Variants in TFDP2 observed in about 807,000 individuals in gnomAD.
TFDP2 encodes the protein transcription factor Dp-2.
A neutral mutation model predicts 59.3 loss-of-function variants in TFDP2; 17 were observed. That is an observed-to-expected ratio of 0.29 (90% CI 0.20 to 0.43). The LOEUF is 0.43. TFDP2 is among the 20% of genes least tolerant of loss of function. The pLI, the probability that TFDP2 is intolerant of heterozygous loss-of-function variation, is 1.00. For missense variants in TFDP2, 391 were observed against 528.8 expected (o/e 0.74, Z 2.56); for synonymous variants, 180 against 194.7 (o/e 0.92, Z 0.63).
At chr3:142,089,568 A>G (rs2060932420) in intron 3 of TFDP2, among the ~76,000 whole-genome samples, 1 of 152,144 alleles carries the variant, frequency 6.6e-6, no homozygotes, top group Non-Finnish European at 1.5e-5. Context: ...CTTAATAAAT[A>G]AAAAGAAACA....
At chr3:141,995,495 G>GCAA (rs1286239962) in intron 4 of TFDP2, among the ~76,000 whole-genome samples, 1 of 152,278 alleles carries the variant, frequency 6.6e-6, no homozygotes, top group East Asian at 1.9e-4. Context: ...TAGAACCAGG[G>GCAA]CAACAGCAAA....
chr3:142,103,388 C>T (rs564230879), intron 1 of TFDP2, among the ~76,000 whole-genome samples: 5 of 151,916 alleles, frequency 3.3e-5, no homozygotes, highest in African/African-American at 9.6e-5. Flanking sequence ...GATCTACAGA[C>T]TGGATAATAG....
chr3:142,149,203 C>G lies in TFDP2; in HGVS notation c.-113G>C, dbSNP rs140242223. 5.0e-6 allele frequency: 2 copies of G among 397,820 alleles called. No homozygotes were observed. The highest frequency in any genetic ancestry group is 8.9e-6 in the Non-Finnish European group (2 of 225,488). 24.6% of individuals were successfully genotyped at this position (397,820 alleles called of 1,614,324 possible). A position where few individuals can be genotyped will look rare whatever the true frequency, so the allele number is the denominator to read the frequency against. On this transcript the variant is annotated 5_prime_UTR_variant, in exon 1 of 13. Transcript: ENST00000489671. ...CTTACCGCCTTCGGCTGCAGAAGAA[C>G]TGGCGGCCAAGCGAGGCTGTCGGGC...
At chr3:142,040,898 T>C (rs762900930) in intron 3 of TFDP2, among the ~76,000 whole-genome samples, 1 of 151,836 alleles carries the variant, frequency 6.6e-6, no homozygotes, top group Non-Finnish European at 1.5e-5. Flanking sequence ...AGCAAGACCT[T>C]TTAAAAAAAA....
At chr3:142,007,018 G>A (rs988960021) in intron 3 of TFDP2, among the ~76,000 whole-genome samples, 1 of 151,810 alleles carries the variant, frequency 6.6e-6, no homozygotes, top group Non-Finnish European at 1.5e-5. Flanking sequence ...TTGGGTAATC[G>A]CCTGCCTCAG....
At chr3:142,025,904 C>T (rs1254309753) in intron 3 of TFDP2, among the ~76,000 whole-genome samples, 1 of 152,040 alleles carries the variant, frequency 6.6e-6, no homozygotes, top group Admixed American at 6.5e-5. Context: ...GCAGAGGTTG[C>T]AGTGAGCCGA....
At chr3:142,043,955 TC>T in intron 3 of TFDP2, 1 of 763,620 alleles carries the variant, frequency 1.3e-6, no homozygotes. Context: ...GCTGTACCCT[TC>T]CGCTTACCTA....
intron 6 of TFDP2, among the ~76,000 whole-genome samples, chr3:141,990,338 G>A (rs1308831073): frequency 3.3e-5 from 5 of 151,814 alleles, no homozygotes; most frequent in Non-Finnish European, 5.9e-5. Flanking sequence ...GCAGTGGTGT[G>A]ATCTTGGCTC....
At chr3:141,958,670 A>C (rs189105899) in intron 11 of TFDP2, among the ~76,000 whole-genome samples, 104 of 152,306 alleles carry the variant, frequency 6.8e-4, no homozygotes, top group Non-Finnish European at 1.1e-3. Context: ...AGACGTAAAC[A>C]ACCTTTGTAT....
chr3:142,005,741 C>T (rs181342374), intron 3 of TFDP2, among the ~76,000 whole-genome samples, 197 bp from the exon 4 acceptor site: 1 of 152,264 alleles, frequency 6.6e-6, no homozygotes, highest in East Asian at 1.9e-4. Context: ...ATTAATTTTG[C>T]TGCATAACTA....
At chr3:141,977,296 G>T (rs561715452) in intron 7 of TFDP2, among the ~76,000 whole-genome samples, 23 of 150,102 alleles carry the variant, frequency 1.5e-4, no homozygotes, top group Non-Finnish European at 3.1e-4. Context: ...TAGAGGTCAG[G>T]CATGGTGGCT....
intron 6 of TFDP2, among the ~76,000 whole-genome samples, chr3:141,986,235 A>T (rs976926000): frequency 6.6e-6 from 1 of 152,228 alleles, no homozygotes; most frequent in African/African-American, 2.4e-5. Flanking sequence ...GTTGAGAGTT[A>T]CCTGGCTACA....
chr3:142,004,021 C>CA (rs747980814), intron 4 of TFDP2, among the ~76,000 whole-genome samples: 8 of 152,166 alleles, frequency 5.3e-5, no homozygotes, highest in Non-Finnish European at 1.2e-4. Context: ...AATCACATTT[C>CA]AAAATGCAGA....
At chr3:142,043,990 G>T in intron 3 of TFDP2, 1 of 708,978 alleles carries the variant, frequency 1.4e-6, no homozygotes, top group Admixed American at 1.9e-5. Context: ...GCCTTCCGGC[G>T]GGCCAAGGTC....
intron 9 of TFDP2, among the ~76,000 whole-genome samples, chr3:141,965,821 A>C (rs1937957240): frequency 6.6e-6 from 1 of 152,014 alleles, no homozygotes; most frequent in Admixed American, 6.6e-5. Flanking sequence ...GTTACATTTC[A>C]TTATTTTCTG....
At chr3:141,955,396 T>C (rs909785499) in intron 11 of TFDP2, among the ~76,000 whole-genome samples, 3 of 152,190 alleles carry the variant, frequency 2.0e-5, no homozygotes, top group African/African-American at 7.2e-5. Flanking sequence ...GGGAGTAAGC[T>C]AAAATAAAGT....
chr3:141,957,390 T>C, intron 11 of TFDP2, among the ~76,000 whole-genome samples: 1 of 152,214 alleles, frequency 6.6e-6, no homozygotes, highest in South Asian at 2.1e-4. Flanking sequence ...TACAGGAGCT[T>C]TGGAAAACAG....
intron 3 of TFDP2, among the ~76,000 whole-genome samples, chr3:142,043,236 A>G (rs1467311904): frequency 7.0e-6 from 1 of 142,274 alleles, no homozygotes; most frequent in African/African-American, 2.6e-5. Context: ...TTTAGTAGAG[A>G]CGGGGTTTCA....
chr3:142,075,906 CAA>C (rs60581045), intron 3 of TFDP2, among the ~76,000 whole-genome samples: 42 of 80,646 alleles, frequency 5.2e-4, no homozygotes, highest in Non-Finnish European at 4.7e-4. Flanking sequence ...GAACCTGCCT[CAA>C]AAAAAAAAAA....
Sources: gnomAD v4.1 joint callset for allele counts (sites outside exome capture counted in the v4.1 genomes callset) on GRCh38, gnomAD v4.1.1 for gene constraint, MANE v1.5 for transcripts, NCBI Gene and HGNC (gene_info 2026-07-23, HGNC 2026-07-21) for gene names.